Variants in STKLD1 observed in about 807,000 individuals in gnomAD.
STKLD1 encodes the protein serine/threonine kinase-like domain-containing protein STKLD1.
Under a neutral mutation model 80.4 loss-of-function variants are expected in STKLD1, and 79 were observed. That is an observed-to-expected ratio of 0.98 (90% CI 0.82 to 1.19). STKLD1 has a LOEUF of 1.19. STKLD1 is among the 50% of genes most tolerant of loss of function. The pLI, the probability that STKLD1 is intolerant of heterozygous loss-of-function variation, is 0.00. For missense variants in STKLD1, 841 were observed against 856.0 expected, an observed-to-expected ratio of 0.98 and a Z score of 0.22; for synonymous variants, 393 against 357.6, an observed-to-expected ratio of 1.10 and a Z score of -1.12.
At position 133,394,208 on chromosome 9, in the gene STKLD1, C is replaced by T; in HGVS notation, c.584-83C>T. On this transcript the variant is annotated intron_variant, in intron 7 of 17. Transcript: ENST00000371957. This position sits in a 1 kb window ranked among gnomAD's most constrained non-coding sequence, Gnocchi z 4.9. ...TTGCGGGGGGCCACCAAAGGGGATA[C>T]AGTGCTGGGCAGGGTGACTCTGTCA... 1 of 904,310 alleles carries T rather than the reference C, an allele frequency of 1.1e-6. No individual in the cohort carries two copies. The allele number at this position is 904,310 out of a possible 1,614,324, so 56.0% of individuals were successfully genotyped here. A position where few individuals can be genotyped will look rare whatever the true frequency, so the allele number is the denominator to read the frequency against.
At chr9:133,380,256 G>A (rs1318215403) in intron 2 of STKLD1, among the ~76,000 whole-genome samples, 6 of 151,948 alleles carry the variant, frequency 3.9e-5, no homozygotes, top group Non-Finnish European at 7.4e-5. Context: ...GGCTGGTCTC[G>A]AACTCCTGGA....
intron 16 of STKLD1, 83 bp downstream of exon 16, chr9:133,404,131 C>T: frequency 6.9e-7 from 1 of 1,452,304 alleles, no homozygotes; most frequent in Non-Finnish European, 9.2e-7. Context: ...CCAGGTGCCA[C>T]AAACCAAAAA....
At chr9:133,405,184 C>T (rs1564387167) in intron 17 of STKLD1, 68 bp from the exon 18 acceptor site, 6 of 1,522,552 alleles carry the variant, frequency 3.9e-6, no homozygotes, top group Non-Finnish European at 5.3e-6. Flanking sequence ...CACTCTCATC[C>T]TTCTGGGGCT....
chr9:133,402,786 G>C (rs1334064010), intron 13 of STKLD1, 92 bp from the exon 14 acceptor site: 73 of 1,423,426 alleles, frequency 5.1e-5, no homozygotes, highest in Non-Finnish European at 6.8e-5. Context: ...AGGATTGCAG[G>C]TCAAATGGGA....
chr9:133,387,160 G>A (rs933904824), intron 4 of STKLD1, among the ~76,000 whole-genome samples: 7 of 152,196 alleles, frequency 4.6e-5, no homozygotes, highest in African/African-American at 1.7e-4. Context: ...AGTGGTCCAA[G>A]CAGAGGGGTC....
At position 133,385,312 on chromosome 9, in the gene STKLD1, T is replaced by C. The variant is rs1241993911; in HGVS notation, c.220-305T>C. On this transcript the variant is annotated intron_variant, in intron 3 of 17. Coordinates refer to ENST00000371957, the MANE Select transcript of STKLD1 (RefSeq NM_153710.5). This position sits in a 1 kb window ranked among gnomAD's most constrained non-coding sequence, Gnocchi z 4.9. ...TGGCTGTGGCTGATCCCCACCTTCC[T>C]GGCACTGCCTGCCACAGCTCACTCA... Among the ~76,000 whole-genome samples the C allele has an allele frequency of 1.3e-5, 2 of 152,174 alleles. No homozygotes were observed. The highest frequency in any genetic ancestry group is 2.9e-5 in the Non-Finnish European group (2 of 68,020).
At chr9:133,386,633 C>T (rs900976500) in intron 4 of STKLD1, among the ~76,000 whole-genome samples, 1 of 152,276 alleles carries the variant, frequency 6.6e-6, no homozygotes, top group African/African-American at 2.4e-5. Flanking sequence ...AGCTAGTAAA[C>T]AGCTGACTGG....
chr9:133,403,551 C>A, intron 14 of STKLD1, 149 bp from the exon 15 acceptor site: 1 of 1,019,466 alleles, frequency 9.8e-7, no homozygotes, highest in East Asian at 2.6e-5. Flanking sequence ...GGGCTAACCC[C>A]TGCACCCGTC....
chr9:133,402,543 T>C (rs587671548), intron 13 of STKLD1, among the ~76,000 whole-genome samples: 1 of 152,356 alleles, frequency 6.6e-6, no homozygotes, highest in African/African-American at 2.4e-5. Context: ...CCTACCGGGA[T>C]AGGGCCCCGT....
chr9:133,400,818 G>A (rs184799952), intron 12 of STKLD1, among the ~76,000 whole-genome samples: 124 of 152,328 alleles, frequency 8.1e-4, no homozygotes, highest in Non-Finnish European at 1.3e-3. Context: ...TGGCAGAGAG[G>A]GCACAGGCCA....
At chr9:133,381,530 A>C (rs1838134557) in intron 2 of STKLD1, among the ~76,000 whole-genome samples, 1 of 146,956 alleles carries the variant, frequency 6.8e-6, no homozygotes, top group Admixed American at 6.9e-5. Context: ...GGCACACTGC[A>C]ACCCCCTTCT....
Position 133,381,040 on chromosome 9 carries a change from T to TTTTTG in STKLD1, c.174+1942_174+1946dup, listed in dbSNP as rs113425746. ...TTATGGCATTATGGTTTTGTTTGTT[T>TTTTTG]TTTTGTTTTGTTTTGTTTTGTTTTG... On this transcript the variant is annotated intron_variant, in intron 2 of 17. Coordinates refer to ENST00000371957, the MANE Select transcript of STKLD1 (RefSeq NM_153710.5). Among the ~76,000 whole-genome samples, 723 of 152,150 alleles carry TTTTTG rather than the reference T, an allele frequency of 4.8e-3. 10 individuals carry two copies. The highest frequency in any genetic ancestry group is 0.016 in the African/African-American group (670 of 41,486).
Position 133,390,571 on chromosome 9 carries a change from G to T in STKLD1, c.468-110G>T. ...GCTGCTGCAGAACCAGGTGGGGCAG[G>T]GAGCAGAGAGTCAGGCTCAGCACAC... On this transcript the variant is annotated intron_variant, in intron 6 of 17. Transcript: ENST00000371957. This position sits in a 1 kb window ranked among gnomAD's most constrained non-coding sequence, Gnocchi z 5.1. The T allele has an allele frequency of 4.0e-6, 3 of 742,494 alleles. No homozygotes were observed. Among genetic ancestry groups the T allele is most frequent in the Non-Finnish European group, 4.7e-6 (2 of 422,936 alleles). 46.0% of individuals were successfully genotyped at this position (742,494 alleles called of 1,614,324 possible). A position where few individuals can be genotyped will look rare whatever the true frequency, so the allele number is the denominator to read the frequency against.
chr9:133,400,659 C>T (rs1838679265), intron 12 of STKLD1, 130 bp downstream of exon 12: 5 of 779,908 alleles, frequency 6.4e-6, no homozygotes, highest in South Asian at 6.0e-5. Flanking sequence ...CCTGCTGCTG[C>T]ACCTTCTAGG....
At chr9:133,379,195 C>A in intron 2 of STKLD1, 73 bp downstream of exon 2, 1 of 1,325,824 alleles carries the variant, frequency 7.5e-7, no homozygotes, top group Non-Finnish European at 1.1e-6. Flanking sequence ...CAAGCTCTTC[C>A]CATGTTGGAG....
chr9:133,388,884 G>A (rs1012732009), intron 5 of STKLD1: 1 of 985,280 alleles, frequency 1.0e-6, no homozygotes, highest in African/African-American at 1.7e-5. Context: ...GACTTTGTGA[G>A]TGAAGCCCTT....
intron 5 of STKLD1, chr9:133,388,834 C>T: frequency 1.0e-6 from 1 of 985,446 alleles, no homozygotes; most frequent in Non-Finnish European, 1.2e-6. Context: ...CAGCTCTTCT[C>T]TTACCATGGG....
intron 14 of STKLD1, among the ~76,000 whole-genome samples, chr9:133,403,333 G>A (rs587693882): frequency 8.3e-4 from 117 of 141,308 alleles, no homozygotes; most frequent in Non-Finnish European, 1.5e-3. Flanking sequence ...GGTTCCAGAG[G>A]GCAGCGGTGG....
intron 17 of STKLD1, 92 bp from the exon 18 acceptor site, chr9:133,405,160 G>C: frequency 6.8e-7 from 1 of 1,470,274 alleles, no homozygotes; most frequent in Non-Finnish European, 9.1e-7. Context: ...CCAAGCCCAA[G>C]GGGGAATGTG....
Sources: allele counts gnomAD v4.1 joint callset (sites outside exome capture counted in the v4.1 genomes callset), GRCh38; gene constraint gnomAD v4.1.1; non-coding constraint Gnocchi (gnomAD v3.1); transcripts MANE v1.5; gene names NCBI Gene and HGNC (gene_info 2026-07-23, HGNC 2026-07-21).